The following PCDHGB6 variants were observed in gnomAD, a reference collection of about 807,000 sequenced individuals.
PCDHGB6 encodes the protein protocadherin gamma-B6.
A neutral mutation model predicts 59.1 loss-of-function variants in PCDHGB6; 51 were observed. That is an observed-to-expected ratio of 0.86 (90% confidence interval 0.69 to 1.09). The LOEUF (loss-of-function observed/expected upper bound fraction) is 1.09, where lower values mean the gene tolerates loss of function less well. Ranked by LOEUF, PCDHGB6 falls within the 50% of genes least tolerant of loss-of-function variation. The pLI is 0.00. For synonymous variants in PCDHGB6, 466 were observed against 495.1 expected, an observed-to-expected ratio of 0.94 and a Z score of 0.78; for missense variants, 1,148 against 1,205.1, an observed-to-expected ratio of 0.95 and a Z score of 0.70.
rs771858105 is a variant in PCDHGB6 at position 141,428,074 on chromosome 5, G to A, written c.2418+17454G>A. 4.4e-6 allele frequency: 7 copies of A among 1,609,112 alleles called. No homozygotes were observed. The African/African-American group carries it at 5.3e-5, about 12-fold the overall frequency. On this transcript the variant is annotated intron_variant, in intron 1 of 3. Transcript: ENST00000520790. The stretch of plus-strand genomic sequence containing the variant: ...GTGGTGGCGGTGGACGCAGATTCGG[G>A]ACACAACGCTTGGCTGTCCTACCAC...
At chr5:141,505,239 G>A (rs2099844708) in intron 2 of PCDHGB6, 154 bp from the exon 3 acceptor site, 1 of 886,092 alleles carries the variant, frequency 1.1e-6, no homozygotes, top group Middle Eastern at 5.9e-4. Context: ...GCTTCTGAAG[G>A]ATTGTAGAAG....
chr5:141,458,718 C>T (rs569153299), intron 1 of PCDHGB6, among the ~76,000 whole-genome samples: 3 of 151,942 alleles, frequency 2.0e-5, no homozygotes, highest in African/African-American at 4.8e-5. Context: ...TACAGGTATT[C>T]GCCACCACAT....
intron 1 of PCDHGB6, chr5:141,420,099 C>G: frequency 2.5e-6 from 4 of 1,613,996 alleles, no homozygotes; most frequent in Non-Finnish European, 3.4e-6. Context: ...AGTGAGGGAA[C>G]GTTGCCCTAT....
chr5:141,463,990 G>C (rs2099073582), intron 1 of PCDHGB6, among the ~76,000 whole-genome samples: 1 of 151,990 alleles, frequency 6.6e-6, no homozygotes, highest in Admixed American at 6.6e-5. Context: ...TAAAAACCAG[G>C]TGCAGTGGCT....
intron 2 of PCDHGB6, among the ~76,000 whole-genome samples, chr5:141,498,573 A>G (rs7725519): frequency 0.52 from 78,890 of 151,684 alleles, 21,175 homozygotes; most frequent in African/African-American, 0.65. Flanking sequence ...CAGGGCTAGT[A>G]TTGAGTTCTT....
At chr5:141,427,774 G>A (rs760144039) in intron 1 of PCDHGB6, 1 of 1,420,908 alleles carries the variant, frequency 7.0e-7, no homozygotes, top group Non-Finnish European at 9.8e-7. Context: ...TTGGAGCTGC[G>A]GGCACTGTCG....
chr5:141,482,661 T>G (rs1215403061), intron 1 of PCDHGB6, among the ~76,000 whole-genome samples: 1 of 151,742 alleles, frequency 6.6e-6, no homozygotes, highest in Non-Finnish European at 1.5e-5. Flanking sequence ...TGAGCTATGA[T>G]CTAAAGGTTG....
intron 1 of PCDHGB6, among the ~76,000 whole-genome samples, chr5:141,444,408 T>G (rs1591815532): frequency 6.6e-6 from 1 of 152,124 alleles, no homozygotes; most frequent in East Asian, 1.9e-4. Context: ...CAACCTCAGG[T>G]GATCTTCCCT....
intron 2 of PCDHGB6, among the ~76,000 whole-genome samples, chr5:141,502,894 G>C (rs1342496006): frequency 6.8e-6 from 1 of 147,968 alleles, no homozygotes; most frequent in Non-Finnish European, 1.5e-5. Context: ...AGGGAGTCTA[G>C]CTCTGTTGCC....
chr5:141,437,794 G>A (rs1162440523), intron 1 of PCDHGB6, among the ~76,000 whole-genome samples: 3 of 150,526 alleles, frequency 2.0e-5, no homozygotes, highest in Non-Finnish European at 4.4e-5. Flanking sequence ...CTGGAGTGCA[G>A]TGGCACTATC....
rs2099388776 is a variant in PCDHGB6, at chr5:141,476,308, C to T, written c.2419-18499C>T. On this transcript the variant is annotated intron_variant, in intron 1 of 3. Coordinates refer to ENST00000520790, the MANE Select transcript of PCDHGB6 (RefSeq NM_018926.3). The surrounding 1 kb of genome is among the most constrained non-coding windows in gnomAD (Gnocchi z 7.6). ...TGGATCTCGGTAGCCTCTCAGCCCG[C>T]AGGTTCCGGGTGGTGTCTGGAGCTA... The T allele has an allele frequency of 1.2e-6, 2 of 1,613,750 alleles. No individual in the cohort carries two copies. The highest frequency in any genetic ancestry group is 2.7e-5 in the African/African-American group (2 of 74,806).
chr5:141,476,306 C>T lies in PCDHGB6; in HGVS notation c.2419-18501C>T, dbSNP rs1011265476. The T allele has an allele frequency of 1.2e-6, 2 of 1,613,464 alleles. No homozygotes were observed. Among genetic ancestry groups the T allele is most frequent in the African/African-American group, 2.7e-5 (2 of 74,688 alleles). On this transcript the variant is annotated intron_variant, in intron 1 of 3. Transcript: ENST00000520790. The surrounding 1 kb of genome is among the most constrained non-coding windows in gnomAD (Gnocchi z 7.6). ...TTTGGATCTCGGTAGCCTCTCAGCCCGCAGGTTCCGGGTGGTGTCTGGAGC... is the reference window on the plus strand; with the variant it reads ...TTTGGATCTCGGTAGCCTCTCAGCCTGCAGGTTCCGGGTGGTGTCTGGAGC...
chr5:141,408,084 G>A lies in PCDHGB6; in HGVS notation c.-119G>A, dbSNP rs564149257. 7.5e-5 allele frequency: 106 copies of A among 1,418,874 alleles called. No homozygotes were observed. Among genetic ancestry groups the A allele is most frequent in the Middle Eastern group, 2.5e-4 (1 of 3,948 alleles). 87.9% of individuals were successfully genotyped at this position (1,418,874 alleles called of 1,614,324 possible). A position where few individuals can be genotyped will look rare whatever the true frequency, so the allele number is the denominator to read the frequency against. On this transcript the variant is annotated 5_prime_UTR_variant, in exon 1 of 4. Transcript: ENST00000520790. Reference sequence around the variant, plus strand: ...CTGCGCAGACCTTTCCCAGCACAGCGGATTGCCAGCTCCGAGACCCGGGAC... The same window carrying A: ...CTGCGCAGACCTTTCCCAGCACAGCAGATTGCCAGCTCCGAGACCCGGGAC...
Position 141,477,864 on chromosome 5 carries a change from G to A in PCDHGB6, c.2419-16943G>A, listed in dbSNP as rs775055164. On this transcript the variant is annotated intron_variant, in intron 1 of 3. Transcript: ENST00000520790. The surrounding 1 kb of genome is among the most constrained non-coding windows in gnomAD (Gnocchi z 4.9). Reference sequence around the variant, plus strand: ...AGCTCGGTGGAGATGCTGCCTCGAGGTACCTCAGCTGGCCACCTAGTGTCA... The same window carrying A: ...AGCTCGGTGGAGATGCTGCCTCGAGATACCTCAGCTGGCCACCTAGTGTCA... 1.2e-6 allele frequency: 2 copies of A among 1,613,122 alleles called. No homozygotes were observed. The highest frequency in any genetic ancestry group is 4.5e-5 in the East Asian group (2 of 44,822).
chr5:141,454,798 T>A (rs866302149), intron 1 of PCDHGB6, among the ~76,000 whole-genome samples: 2 of 58,950 alleles, frequency 3.4e-5, no homozygotes, highest in Non-Finnish European at 6.4e-5. Context: ...TGGTTCTAAT[T>A]TTTTTTTTTT....
Position 141,489,956 on chromosome 5 carries a change from C to CTCCAACCT in PCDHGB6, c.2419-4845_2419-4838dup, listed in dbSNP as rs1176419823. Reference sequence around the variant, plus strand: ...ATCGTGCTGGACATCAATGATAATGCTCCAACCTTCCAATCCTCAGTTCTA... The same window carrying CTCCAACCT: ...ATCGTGCTGGACATCAATGATAATGCTCCAACCTTCCAACCTTCCAATCCTCAGTTCTA... On this transcript the variant is annotated intron_variant, in intron 1 of 3. Coordinates refer to ENST00000520790, the MANE Select transcript of PCDHGB6 (RefSeq NM_018926.3). The surrounding 1 kb of genome is among the most constrained non-coding windows in gnomAD (Gnocchi z 4.5). 16 of 1,614,012 alleles carry CTCCAACCT rather than the reference C, an allele frequency of 9.9e-6. No individual in the cohort carries two copies. The highest frequency in any genetic ancestry group is 1.4e-5 in the Non-Finnish European group (16 of 1,179,974).
chr5:141,477,296 G>C lies in PCDHGB6; in HGVS notation c.2419-17511G>C. On this transcript the variant is annotated intron_variant, in intron 1 of 3. Transcript: ENST00000520790. This position sits in a 1 kb window ranked among gnomAD's most constrained non-coding sequence, Gnocchi z 4.9. ...GCTGGTGACCTGCGAAGTTCCACCG[G>C]GTCTCCCTTTCAGCCTTACTTCTTC... 3 of 1,614,064 alleles carry C rather than the reference G, an allele frequency of 1.9e-6. No individual in the cohort carries two copies. Among genetic ancestry groups the C allele is most frequent in the African/African-American group, 1.3e-5 (1 of 75,014 alleles).
intron 1 of PCDHGB6, chr5:141,418,042 G>A: frequency 6.2e-7 from 1 of 1,614,014 alleles, no homozygotes; most frequent in South Asian, 1.1e-5. Context: ...TCCTGGATGT[G>A]TCGGCTCGCG....
chr5:141,479,928 C>T (rs1309777916), intron 1 of PCDHGB6, among the ~76,000 whole-genome samples: 1 of 152,222 alleles, frequency 6.6e-6, no homozygotes, highest in African/African-American at 2.4e-5. Flanking sequence ...CTCAGTGCAT[C>T]ATTGCTATCA....
Sources: allele counts gnomAD v4.1 joint callset (sites outside exome capture counted in the v4.1 genomes callset), GRCh38; gene constraint gnomAD v4.1.1; non-coding constraint Gnocchi (gnomAD v3.1); transcripts MANE v1.5; gene names NCBI Gene and HGNC (gene_info 2026-07-23, HGNC 2026-07-21).